NIPA1: variants seen among roughly 807,000 people sequenced by gnomAD.
NIPA1 encodes NIPA magnesium transporter 1.
Under a neutral mutation model 23.9 loss-of-function variants are expected in NIPA1, and 13 were observed. That is an observed-to-expected ratio of 0.54 (90% confidence interval 0.35 to 0.87). The LOEUF (loss-of-function observed/expected upper bound fraction) is 0.87. Ranked by LOEUF, NIPA1 falls within the 40% of genes least tolerant of loss-of-function variation. The probability of loss-of-function intolerance (pLI) is 0.01; values close to 1 mark genes in which losing one functional copy is unlikely to be tolerated. For missense variants in NIPA1, 362 were observed against 429.7 expected, an observed-to-expected ratio of 0.84 and a Z score of 1.39; for synonymous variants, 234 against 202.9, an observed-to-expected ratio of 1.15 and a Z score of -1.30.
chr15:22,800,543 A>C (rs1326755971), intron 1 of NIPA1, among the ~76,000 whole-genome samples: 1 of 151,912 alleles, frequency 6.6e-6, no homozygotes, highest in Non-Finnish European at 1.5e-5. Flanking sequence ...TATAATCCCA[A>C]CACTTTTGGG....
At chr15:22,806,946 G>A (rs370765409) in intron 1 of NIPA1, among the ~76,000 whole-genome samples, 15 of 152,238 alleles carry the variant, frequency 9.9e-5, no homozygotes, top group African/African-American at 3.4e-4. Flanking sequence ...ATGGGTAGGG[G>A]TATGGGACAG....
intron 3 of NIPA1, chr15:22,814,229 G>A: frequency 1.8e-6 from 1 of 551,964 alleles, no homozygotes; most frequent in South Asian, 2.0e-5. Flanking sequence ...TTATCAAAGT[G>A]TGCATATATG....
At chr15:22,817,218 T>G (rs1895439659) in intron 3 of NIPA1, among the ~76,000 whole-genome samples, 1 of 133,150 alleles carries the variant, frequency 7.5e-6, no homozygotes, top group Non-Finnish European at 1.6e-5. Flanking sequence ...AAATTACATC[T>G]GCCAGGCGCA....
At chr15:22,810,986 C>G (rs1056162423) in intron 2 of NIPA1, 190 bp downstream of exon 2, 2 of 618,524 alleles carry the variant, frequency 3.2e-6, no homozygotes, top group African/African-American at 3.7e-5. Context: ...TCTCCCTGCT[C>G]CCCTTCCTCC....
intron 1 of NIPA1, among the ~76,000 whole-genome samples, chr15:22,797,263 G>A: frequency 6.6e-6 from 1 of 151,664 alleles, no homozygotes; most frequent in African/African-American, 2.4e-5. Flanking sequence ...AGGCTGGAGT[G>A]CAGTGGTGTG....
Position 22,827,199 on chromosome 15 carries a change from C to A in NIPA1, c.*2960C>A, listed in dbSNP as rs954098148. On this transcript the variant is annotated 3_prime_UTR_variant, in exon 5 of 5. Coordinates refer to ENST00000337435, the MANE Select transcript of NIPA1 (RefSeq NM_144599.5). ...ATATGCAGATTTCTCTTGATAGATA[C>A]TTAAATAGGCTATTTCTCTCCTCTT... 1 of 152,174 alleles carries A rather than the reference C, an allele frequency of 6.6e-6. No homozygotes were observed. Among genetic ancestry groups the A allele is most frequent in the Admixed American group, 6.5e-5 (1 of 15,274 alleles). 9.4% of individuals were successfully genotyped at this position (152,174 alleles called of 1,614,324 possible). A position where few individuals can be genotyped will look rare whatever the true frequency, so the allele number is the denominator to read the frequency against.
Position 22,823,719 on chromosome 15 carries a change from G to A in NIPA1, c.479-9G>A, listed in dbSNP as rs1566789035. ...GGCTCCGGGTGACTGTGTGCTGTCT[G>A]TGTTCCAGTGTTTGTGGGCTACCTG... On this transcript the variant is annotated splice_polypyrimidine_tract_variant and intron_variant, in intron 4 of 4. Coordinates refer to ENST00000337435, the MANE Select transcript of NIPA1 (RefSeq NM_144599.5). The A allele has an allele frequency of 2.5e-6, 4 of 1,600,370 alleles. No individual in the cohort carries two copies. Among genetic ancestry groups the A allele is most frequent in the Non-Finnish European group, 3.4e-6 (4 of 1,177,348 alleles).
chr15:22,801,045 G>A (rs1481297345), intron 1 of NIPA1, among the ~76,000 whole-genome samples: 2 of 150,254 alleles, frequency 1.3e-5, no homozygotes, highest in African/African-American at 4.9e-5. Context: ...CTGCACTCCA[G>A]CTTGGGTGAC....
At chr15:22,821,555 G>A (rs897586316) in intron 4 of NIPA1, among the ~76,000 whole-genome samples, 2 of 150,750 alleles carry the variant, frequency 1.3e-5, no homozygotes, top group African/African-American at 4.9e-5. Context: ...TGGTCTGCAT[G>A]TCCACACTCG....
intron 1 of NIPA1, among the ~76,000 whole-genome samples, chr15:22,810,139 A>C (rs1895290755): frequency 6.6e-6 from 1 of 151,980 alleles, no homozygotes; most frequent in African/African-American, 2.4e-5. Flanking sequence ...ACCTGTCAAG[A>C]GGCAGGGGGA....
rs188784221 is a variant in NIPA1, at chr15:22,827,785, C to T, written c.*3546C>T. On this transcript the variant is annotated 3_prime_UTR_variant, in exon 5 of 5. Transcript: ENST00000337435. ...AATGTTGTGCTCAACTTCTAGGGGC[C>T]AGTTCTAGACTTTGGAGATGCAGTG... 6.6e-6 allele frequency: 1 copy of T among 152,184 alleles called. No individual in the cohort carries two copies. The highest frequency in any genetic ancestry group is 2.4e-5 in the African/African-American group (1 of 41,510). 9.4% of individuals were successfully genotyped at this position (152,184 alleles called of 1,614,324 possible).
intron 3 of NIPA1, among the ~76,000 whole-genome samples, chr15:22,817,557 C>T (rs1895451427): frequency 6.6e-6 from 1 of 150,534 alleles, no homozygotes; most frequent in Non-Finnish European, 1.5e-5. Flanking sequence ...AATCCCAGCA[C>T]TTTGGGAGGC....
Position 22,810,784 on chromosome 15 carries a change from G to C in NIPA1, c.214G>C (p.Gly72Arg). The C allele has an allele frequency of 6.2e-7, 1 of 1,610,130 alleles. No homozygotes were observed. Among genetic ancestry groups the C allele is most frequent in the Non-Finnish European group, 8.5e-7 (1 of 1,176,388 alleles). Residue 72 changes from glycine (G) to arginine (R), a missense_variant, in exon 2 of 5, where the codon GGC (glycine) becomes CGC (arginine). Gly to Arg is a moderately radical substitution (Grantham distance 125). Around this residue, in one of 2 missense-constraint regions of NIPA1, gnomAD observed 277 missense variants for 372.0 expected, o/e 0.74. Coordinates refer to ENST00000337435, the MANE Select transcript of NIPA1 (RefSeq NM_144599.5). ...SYLTDIVWWA[G>R]TIAMAVGQIG... The stretch of plus-strand genomic sequence containing the variant: ...TTTAACAGACATTGTGTGGTGGGCT[G>C]GCACAATCGCAAGTAAGTAGCCTGT...
Position 22,824,300 on chromosome 15 carries a change from T to C in NIPA1, c.*61T>C, listed in dbSNP as rs901399537. The C allele has an allele frequency of 3.0e-5, 42 of 1,401,682 alleles. No homozygotes were observed. Among genetic ancestry groups the C allele is most frequent in the African/African-American group, 9.9e-5 (7 of 70,678 alleles). 86.8% of individuals were successfully genotyped at this position (1,401,682 alleles called of 1,614,324 possible). On this transcript the variant is annotated 3_prime_UTR_variant, in exon 5 of 5. Coordinates refer to ENST00000337435, the MANE Select transcript of NIPA1 (RefSeq NM_144599.5). This position sits in a 1 kb window ranked among gnomAD's most constrained non-coding sequence, Gnocchi z 4.1. ...CATTGGAGGTGGTTTCTGGCCGTGA[T>C]TGGATGTGAAGTAGAAGAGGTCCTC...
chr15:22,795,060 T>C (rs11636068), intron 1 of NIPA1, among the ~76,000 whole-genome samples: 36,804 of 152,036 alleles, frequency 0.24, 5,556 homozygotes, highest in South Asian at 0.38. Context: ...CTGAGCCTTT[T>C]ATTTTATGAA....
intron 1 of NIPA1, among the ~76,000 whole-genome samples, chr15:22,804,939 C>T (rs1895174574): frequency 6.6e-6 from 1 of 152,038 alleles, no homozygotes; most frequent in Non-Finnish European, 1.5e-5. Context: ...TGGGTTCACA[C>T]CATTCTCCTG....
chr15:22,821,503 C>A (rs1377649182), intron 4 of NIPA1, among the ~76,000 whole-genome samples: 13 of 151,372 alleles, frequency 8.6e-5, no homozygotes, highest in Non-Finnish European at 1.5e-5. Context: ...TCCACACTCG[C>A]TGGTTTTCTC....
At chr15:22,792,911 G>T (rs1321281484) in intron 1 of NIPA1, among the ~76,000 whole-genome samples, 2 of 151,804 alleles carry the variant, frequency 1.3e-5, no homozygotes, top group Non-Finnish European at 2.9e-5. Context: ...GCTAGATTGC[G>T]CCATTGCGCT....
chr15:22,814,438 C>T (rs1319472871), intron 3 of NIPA1, among the ~76,000 whole-genome samples: 2 of 152,024 alleles, frequency 1.3e-5, no homozygotes, highest in Admixed American at 1.3e-4. Context: ...CTCCTGACCT[C>T]GTGATCCGCC....
Sources: allele counts gnomAD v4.1 joint callset (sites outside exome capture counted in the v4.1 genomes callset), GRCh38; gene constraint gnomAD v4.1.1; regional missense constraint gnomAD v4.1.1; non-coding constraint Gnocchi (gnomAD v3.1); transcripts MANE v1.5; gene names NCBI Gene and HGNC (gene_info 2026-07-23, HGNC 2026-07-21).